Variants in ITGA4 observed in about 807,000 individuals in gnomAD.
ITGA4 encodes the protein integrin subunit alpha 4.
Under a neutral mutation model 133.6 loss-of-function variants are expected in ITGA4, and 63 were observed. The ratio of observed to expected loss-of-function variants is 0.47; its 90% confidence interval spans 0.38 to 0.58. The LOEUF is 0.58. Among genes scored for constraint, ITGA4 ranks in the 20% least tolerant of loss-of-function variants. The pLI is 0.00. For missense variants in ITGA4, 1,076 were observed against 1,252.7 expected, an observed-to-expected ratio of 0.86 and a Z score of 2.13; for synonymous variants, 483 against 438.0, an observed-to-expected ratio of 1.10 and a Z score of -1.28.
chr2:181,529,998 C>T (rs974717578), intron 23 of ITGA4, among the ~76,000 whole-genome samples: 8 of 152,080 alleles, frequency 5.3e-5, no homozygotes, highest in Admixed American at 5.2e-4. Context: ...AACTACTGTG[C>T]AAATATGAGG....
intron 17 of ITGA4, among the ~76,000 whole-genome samples, chr2:181,521,630 G>C (rs1686722314): frequency 6.6e-6 from 1 of 152,174 alleles, no homozygotes. Context: ...CTAGTTACTG[G>C]TGGAGGTGAC....
chr2:181,495,449 A>G lies in ITGA4; in HGVS notation c.1385+33A>G, dbSNP rs768564937. The G allele has an allele frequency of 2.7e-6, 4 of 1,504,272 alleles. No homozygotes were observed. Among genetic ancestry groups the G allele is most frequent in the East Asian group, 2.3e-5 (1 of 44,258 alleles). The allele number at this position is 1,504,272 out of a possible 1,614,324, so 93.2% of individuals were successfully genotyped here. A position where few individuals can be genotyped will look rare whatever the true frequency, so the allele number is the denominator to read the frequency against. ...TGATATATTTCACTGCTTAATTGCA[A>G]TTTGGTTTAATTGTAAAATGATGGG... On this transcript the variant is annotated intron_variant, in intron 13 of 27. Coordinates refer to ENST00000397033, the MANE Select transcript of ITGA4 (RefSeq NM_000885.6). This position sits in a 1 kb window ranked among gnomAD's most constrained non-coding sequence, Gnocchi z 4.3.
At chr2:181,517,098 T>C (rs150950543) in intron 17 of ITGA4, among the ~76,000 whole-genome samples, 4 of 152,162 alleles carry the variant, frequency 2.6e-5, no homozygotes, top group African/African-American at 9.6e-5. Context: ...AATTTTTCAG[T>C]ATTGTCTTTT....
chr2:181,495,503 T>C lies in ITGA4; in HGVS notation c.1385+87T>C, dbSNP rs1033999738. On this transcript the variant is annotated intron_variant, in intron 13 of 27. Transcript: ENST00000397033. The surrounding 1 kb of genome is among the most constrained non-coding windows in gnomAD (Gnocchi z 4.3). ...TGGTGTTTAAAATCAGCAGTGGTAG[T>C]GACCTCATGATGCTCTTTTGGTATT... The C allele has an allele frequency of 1.4e-5, 13 of 960,114 alleles. No individual in the cohort carries two copies. Among genetic ancestry groups the C allele is most frequent in the Non-Finnish European group, 2.2e-5 (13 of 589,304 alleles). The allele number at this position is 960,114 out of a possible 1,614,324, so 59.5% of individuals were successfully genotyped here.
intron 2 of ITGA4, among the ~76,000 whole-genome samples, chr2:181,462,731 G>T (rs1238587142): frequency 6.6e-6 from 1 of 152,136 alleles, no homozygotes; most frequent in Admixed American, 6.6e-5. Flanking sequence ...AAAAGGATGA[G>T]GTTTCCACCT....
intron 10 of ITGA4, among the ~76,000 whole-genome samples, chr2:181,490,290 C>A (rs527991074): frequency 1.6e-4 from 25 of 152,140 alleles, no homozygotes; most frequent in Non-Finnish European, 3.1e-4. Context: ...GAGGGGTGGT[C>A]TCCTCCTTTA....
At chr2:181,533,256 CT>C (rs1261295089) in intron 25 of ITGA4, among the ~76,000 whole-genome samples, 1 of 152,124 alleles carries the variant, frequency 6.6e-6, no homozygotes, top group East Asian at 1.9e-4. Flanking sequence ...GAAATGGCAG[CT>C]GTTATGTTCA....
chr2:181,518,966 T>C (rs567177659), intron 17 of ITGA4, among the ~76,000 whole-genome samples: 3 of 152,104 alleles, frequency 2.0e-5, no homozygotes, highest in Admixed American at 1.3e-4. Context: ...CTCTCCTAGA[T>C]AGAAACAAAG....
chr2:181,503,484 C>T (rs6749184), intron 15 of ITGA4, among the ~76,000 whole-genome samples: 148,058 of 151,380 alleles, frequency 0.98, 72,500 homozygotes, highest in Middle Eastern at 1. Flanking sequence ...TAATCATAAT[C>T]AAAAGAGTAT....
chr2:181,457,709 A>G lies in ITGA4; in HGVS notation c.55A>G (p.Thr19Ala). 1 of 1,611,162 alleles carries G rather than the reference A, an allele frequency of 6.2e-7. No individual in the cohort carries two copies. The highest frequency in any genetic ancestry group is 2.2e-5 in the East Asian group (1 of 44,726). Residue 19 changes from threonine to alanine, a missense_variant, in exon 1 of 28, where the codon ACG becomes GCG. Transcript: ENST00000397033. ...CCCCCGAAGGGCCGCCGTCCGGGAGACGGTGATGCTGTTGCTGTGCCTGGG... is the reference window on the plus strand; with the variant it reads ...CCCCCGAAGGGCCGCCGTCCGGGAGGCGGTGATGCTGTTGCTGTGCCTGGG... The part of the protein sequence containing the change: ...PGPRRAAVRE[T>A]VMLLLCLGVP...
chr2:181,520,334 G>A (rs769316746), intron 17 of ITGA4, among the ~76,000 whole-genome samples: 1 of 152,088 alleles, frequency 6.6e-6, no homozygotes, highest in South Asian at 2.1e-4. Flanking sequence ...TTAGATGCCT[G>A]TTTATAGAAA....
chr2:181,462,803 T>C (rs1685317864), intron 2 of ITGA4, among the ~76,000 whole-genome samples: 1 of 152,200 alleles, frequency 6.6e-6, no homozygotes, highest in Non-Finnish European at 1.5e-5. Context: ...ACTTGGTCAC[T>C]GAGTGATATA....
chr2:181,480,781 A>G (rs542850007), intron 6 of ITGA4, among the ~76,000 whole-genome samples: 5 of 152,268 alleles, frequency 3.3e-5, no homozygotes, highest in South Asian at 2.1e-4. Context: ...CCTTCACCTC[A>G]TAAGTTCTTA....
intron 21 of ITGA4, among the ~76,000 whole-genome samples, chr2:181,525,838 T>C (rs957952427): frequency 3.3e-5 from 5 of 152,184 alleles, no homozygotes; most frequent in Admixed American, 2.6e-4. Flanking sequence ...ATTTTAATGA[T>C]TGAGTGGATC....
At chr2:181,533,255 G>C (rs1347538396) in intron 25 of ITGA4, among the ~76,000 whole-genome samples, 1 of 152,178 alleles carries the variant, frequency 6.6e-6, no homozygotes, top group Non-Finnish European at 1.5e-5. Flanking sequence ...GGAAATGGCA[G>C]CTGTTATGTT....
rs972156666 is a variant in ITGA4 at position 181,457,610 on chromosome 2, T to A, written c.-45T>A. The stretch of plus-strand genomic sequence containing the variant: ...CCAACCGTCGCATCCCGTGCAACTT[T>A]GGGGTAGTGGCCGTTTAGTGTTGAA... On this transcript the variant is annotated 5_prime_UTR_variant, in exon 1 of 28. Transcript: ENST00000397033. 6.4e-7 allele frequency: 1 copy of A among 1,564,620 alleles called. No individual in the cohort carries two copies. The highest frequency in any genetic ancestry group is 8.7e-7 in the Non-Finnish European group (1 of 1,151,588).
intron 9 of ITGA4, among the ~76,000 whole-genome samples, chr2:181,483,314 G>A (rs1685845770): frequency 6.6e-6 from 1 of 152,188 alleles, no homozygotes; most frequent in Non-Finnish European, 1.5e-5. Flanking sequence ...TATCTTGCCA[G>A]CCTAGATTCT....
At chr2:181,464,812 G>C (rs921710710) in intron 2 of ITGA4, among the ~76,000 whole-genome samples, 1 of 152,018 alleles carries the variant, frequency 6.6e-6, no homozygotes, top group Admixed American at 6.6e-5. Flanking sequence ...GGAAATGACT[G>C]TCTTTAAAAG....
At chr2:181,518,458 A>G (rs1439494638) in intron 17 of ITGA4, among the ~76,000 whole-genome samples, 1 of 152,114 alleles carries the variant, frequency 6.6e-6, no homozygotes, top group Non-Finnish European at 1.5e-5. Context: ...GCCATCTGAA[A>G]TAATGAAGCT....
Sources: gnomAD v4.1 joint callset for allele counts (sites outside exome capture counted in the v4.1 genomes callset) on GRCh38, gnomAD v4.1.1 for gene constraint, Gnocchi (gnomAD v3.1) non-coding constraint, MANE v1.5 for transcripts, NCBI Gene and HGNC (gene_info 2026-07-23, HGNC 2026-07-21) for gene names.